CTNNA2: variants seen among roughly 807,000 people sequenced by gnomAD.
The protein encoded by CTNNA2 is catenin alpha 2, also known as catenin alpha-2.
A neutral mutation model predicts 101.0 loss-of-function variants in CTNNA2; 42 were observed. The observed-to-expected ratio is 0.42, with a 90% CI of 0.32 to 0.54. The LOEUF (loss-of-function observed/expected upper bound fraction) is 0.54, where lower values mean the gene tolerates loss of function less well. Ranked by LOEUF, CTNNA2 falls within the 20% of genes least tolerant of loss-of-function variation. CTNNA2 has a pLI of 0.14. For missense variants in CTNNA2, 871 were observed against 1,223.1 expected (o/e 0.71, Z 4.29); for synonymous variants, 450 against 456.4 (o/e 0.99, Z 0.18).
At chr2:79,828,647 G>A (rs80156701) in intron 3 of CTNNA2, among the ~76,000 whole-genome samples, 5,661 of 152,304 alleles carry the variant, frequency 0.037, 249 homozygotes, top group East Asian at 0.24. Flanking sequence ...CTTGGACTAA[G>A]TGTTTACTGA....
intron 3 of CTNNA2, among the ~76,000 whole-genome samples, chr2:79,315,654 C>T (rs749452968): frequency 6.6e-5 from 10 of 152,000 alleles, no homozygotes; most frequent in Non-Finnish European, 1.2e-4. Flanking sequence ...ATTTATTAAA[C>T]ATTTGGCAGA....
chr2:79,465,591 AT>A (rs1174230536), intron 4 of CTNNA2, among the ~76,000 whole-genome samples: 1 of 152,076 alleles, frequency 6.6e-6, no homozygotes, highest in Non-Finnish European at 1.5e-5. Flanking sequence ...CATTTTCATG[AT>A]ATTGATTCTT....
intron 9 of CTNNA2, among the ~76,000 whole-genome samples, chr2:80,497,205 G>A (rs1259135954): frequency 1.3e-5 from 2 of 152,158 alleles, no homozygotes; most frequent in Non-Finnish European, 2.9e-5. Context: ...TGAGCTCACA[G>A]CAGGAATGCC....
At chr2:79,930,268 AAGAAAGAAAG>A (rs1386248419) in intron 7 of CTNNA2, among the ~76,000 whole-genome samples, 102 of 9,472 alleles carry the variant, frequency 0.011, 1 homozygote, top group East Asian at 0.031. Context: ...GAAAGAAAGA[AAGAAAGAAAG>A]AGAGAGAGAG....
At chr2:80,633,644 T>C (rs529405196) in intron 18 of CTNNA2, among the ~76,000 whole-genome samples, 2 of 152,284 alleles carry the variant, frequency 1.3e-5, no homozygotes, top group South Asian at 4.1e-4. Context: ...GAAATGAATT[T>C]TATGAGCCTT....
intron 7 of CTNNA2, among the ~76,000 whole-genome samples, chr2:80,259,760 G>A (rs1672453651): frequency 6.6e-6 from 1 of 152,176 alleles, no homozygotes; most frequent in Admixed American, 6.5e-5. Flanking sequence ...GAAGATATAG[G>A]TTTCAGCCTT....
chr2:79,595,622 C>G (rs1677137426), intron 1 of CTNNA2, among the ~76,000 whole-genome samples: 1 of 152,124 alleles, frequency 6.6e-6, no homozygotes, highest in African/African-American at 2.4e-5. Flanking sequence ...CTGTTGATAT[C>G]ACTATGCTTA....
chr2:79,874,384 G>T (rs749428998), intron 6 of CTNNA2, 42 bp downstream of exon 6: 3 of 1,562,092 alleles, frequency 1.9e-6, no homozygotes, highest in South Asian at 1.2e-5. Flanking sequence ...GGGCACTGGT[G>T]TTGACAAAAA....
At chr2:80,480,033 A>G (rs1255331822) in intron 9 of CTNNA2, among the ~76,000 whole-genome samples, 3 of 152,136 alleles carry the variant, frequency 2.0e-5, no homozygotes, top group Non-Finnish European at 4.4e-5. Flanking sequence ...TAGATGTAAC[A>G]TTTTCACTAC....
At chr2:80,114,811 A>T (rs1558822206) in intron 7 of CTNNA2, among the ~76,000 whole-genome samples, 1 of 152,138 alleles carries the variant, frequency 6.6e-6, no homozygotes, top group African/African-American at 2.4e-5. Flanking sequence ...GTGTCTGAAG[A>T]TATCCTCACA....
chr2:79,694,679 G>A (rs1684537637), intron 2 of CTNNA2, among the ~76,000 whole-genome samples: 1 of 151,724 alleles, frequency 6.6e-6, no homozygotes, highest in Non-Finnish European at 1.5e-5. Context: ...ATGTTAGTGA[G>A]GACTTTTTGG....
At chr2:79,259,652 G>A (rs1230171381) in intron 2 of CTNNA2, among the ~76,000 whole-genome samples, 1 of 152,164 alleles carries the variant, frequency 6.6e-6, no homozygotes, top group Non-Finnish European at 1.5e-5. Context: ...GGAGGGCACA[G>A]AGCATGAAGG....
intron 3 of CTNNA2, among the ~76,000 whole-genome samples, chr2:79,750,546 T>G (rs1216523324): frequency 5.3e-5 from 8 of 152,350 alleles, no homozygotes; most frequent in African/African-American, 1.9e-4. Flanking sequence ...ACAAGGTTTA[T>G]GAGCTTATTG....
At chr2:79,258,952 A>G (rs1018699313) in intron 2 of CTNNA2, among the ~76,000 whole-genome samples, 7 of 151,464 alleles carry the variant, frequency 4.6e-5, no homozygotes, top group African/African-American at 1.5e-4. Flanking sequence ...TGAGGCCTAT[A>G]TTTTAATCTT....
At chr2:80,089,823 C>G (rs953126146) in intron 7 of CTNNA2, among the ~76,000 whole-genome samples, 10 of 151,958 alleles carry the variant, frequency 6.6e-5, no homozygotes, top group African/African-American at 2.4e-4. Context: ...CAGCTACAAA[C>G]TTTACCAAAT....
chr2:80,571,829 C>T (rs1694631293), intron 12 of CTNNA2, among the ~76,000 whole-genome samples: 1 of 152,122 alleles, frequency 6.6e-6, no homozygotes. Flanking sequence ...TGGGGTAGAG[C>T]CTGTAGACAG....
intron 9 of CTNNA2, among the ~76,000 whole-genome samples, chr2:80,483,957 A>G (rs1339903878): frequency 1.3e-5 from 2 of 152,198 alleles, no homozygotes; most frequent in Non-Finnish European, 2.9e-5. Flanking sequence ...GAACTTCATC[A>G]TGGGTAAATG....
intron 7 of CTNNA2, among the ~76,000 whole-genome samples, chr2:80,129,709 A>C (rs1702312506): frequency 6.6e-6 from 1 of 152,168 alleles, no homozygotes; most frequent in African/African-American, 2.4e-5. Context: ...AACTCCTGTG[A>C]AAATCCCCAT....
intron 7 of CTNNA2, among the ~76,000 whole-genome samples, chr2:80,284,045 T>C (rs1352951657): frequency 6.6e-6 from 1 of 152,176 alleles, no homozygotes; most frequent in African/African-American, 2.4e-5. Flanking sequence ...GCAATCCAAG[T>C]GGAAGAGATT....
Sources: allele counts gnomAD v4.1 joint callset (sites outside exome capture counted in the v4.1 genomes callset), GRCh38; gene constraint gnomAD v4.1.1; transcripts MANE v1.5; gene names NCBI Gene and HGNC (gene_info 2026-07-23, HGNC 2026-07-21).